The following ECT2L variants were observed in gnomAD, a reference collection of about 807,000 sequenced individuals.
ECT2L encodes epithelial cell transforming 2 like.
Under a neutral mutation model 122.8 loss-of-function variants are expected in ECT2L, and 126 were observed. The observed-to-expected ratio is 1.03, with a 90% CI of 0.89 to 1.19. The LOEUF (loss-of-function observed/expected upper bound fraction) is 1.19, where lower values mean the gene tolerates loss of function less well. Among genes scored for constraint, ECT2L ranks in the 50% most tolerant of loss-of-function variants. The probability of loss-of-function intolerance (pLI) is 0.00; values close to 1 mark genes in which losing one functional copy is unlikely to be tolerated. For missense variants in ECT2L, 1,012 were observed against 1,064.1 expected (o/e 0.95, Z 0.68); for synonymous variants, 385 against 381.8 (o/e 1.01, Z -0.10).
chr6:138,846,479 C>G, intron 7 of ECT2L, 60 bp from the exon 8 acceptor site: 1 of 1,509,568 alleles, frequency 6.6e-7, no homozygotes, highest in African/African-American at 1.4e-5. Context: ...ATGCTGTGTA[C>G]TTACCAAAAC....
At position 138,862,702 on chromosome 6, in the gene ECT2L, C is replaced by T; in HGVS notation, c.1274C>T (p.Thr425Ile). The T allele has an allele frequency of 6.2e-7, 1 of 1,614,152 alleles. No homozygotes were observed. Among genetic ancestry groups the T allele is most frequent in the Non-Finnish European group, 8.5e-7 (1 of 1,179,968 alleles). ...TFFTAPTGIATGSYQHILSDW... is the reference protein window; with the variant it reads ...TFFTAPTGIAIGSYQHILSDW... ...TTTACGGCCCCCACTGGGATTGCAACTGGCTCTTACCAGCACAGTAAGTGT... is the reference window on the plus strand; with the variant it reads ...TTTACGGCCCCCACTGGGATTGCAATTGGCTCTTACCAGCACAGTAAGTGT... The change falls in exon 11 of 22, where the codon ACT becomes ATT. Residue 425 changes from threonine to isoleucine, a missense_variant. Thr to Ile is a moderately conservative substitution (Grantham distance 89, BLOSUM62 -1). Transcript: ENST00000541398.
chr6:138,884,649 A>C (rs1225443079), intron 16 of ECT2L, among the ~76,000 whole-genome samples: 4 of 152,122 alleles, frequency 2.6e-5, no homozygotes, highest in Admixed American at 2.6e-4. Context: ...AAAAAACAAA[A>C]AACAAAAAAA....
At chr6:138,881,775 ATC>A (rs1367359026) in intron 15 of ECT2L, among the ~76,000 whole-genome samples, 1 of 152,038 alleles carries the variant, frequency 6.6e-6, no homozygotes, top group Non-Finnish European at 1.5e-5. Flanking sequence ...GCCACTGCTG[ATC>A]TGGAGCTCAG....
At chr6:138,806,300 G>A (rs186151971) in intron 1 of ECT2L, among the ~76,000 whole-genome samples, 1 of 152,176 alleles carries the variant, frequency 6.6e-6, no homozygotes, top group Non-Finnish European at 1.5e-5. Flanking sequence ...TAACAATTTT[G>A]TGGGCTTTGT....
intron 20 of ECT2L, among the ~76,000 whole-genome samples, chr6:138,895,593 C>CA (rs1351695877): frequency 1.3e-5 from 2 of 152,048 alleles, no homozygotes; most frequent in African/African-American, 2.4e-5. Context: ...TTTTCTGAGA[C>CA]AGAGTCTCGT....
chr6:138,863,678 C>T (rs903112458), intron 11 of ECT2L, among the ~76,000 whole-genome samples: 1 of 151,254 alleles, frequency 6.6e-6, no homozygotes, highest in Non-Finnish European at 1.5e-5. Flanking sequence ...GGCACGTTCT[C>T]GATCTAGGCT....
At chr6:138,902,450 T>G in intron 21 of ECT2L, 50 bp from the exon 22 acceptor site, 1 of 1,546,220 alleles carries the variant, frequency 6.5e-7, no homozygotes, top group Non-Finnish European at 8.7e-7. Flanking sequence ...TTTTCTCATT[T>G]TGATTGTTAT....
rs754805259 is a variant in ECT2L, at chr6:138,814,566, T to C, written c.142T>C (p.Phe48Leu). The C allele has an allele frequency of 2.5e-6, 4 of 1,612,562 alleles. No individual in the cohort carries two copies. Among genetic ancestry groups the C allele is most frequent in the Admixed American group, 1.7e-5 (1 of 59,998 alleles). ...TAACAAGCAACGTCAAGAATTCTTA[T>C]TCGCAATTTTTTTAAGATGCACTAA... ...WTNKQRQEFL[F>L]AIFLRCTKSQ... is the part of the protein sequence containing the mutation. The change falls in exon 4 of 22, where the codon TTC becomes CTC. Residue 48 changes from phenylalanine to leucine, a missense_variant. Phe to Leu is a conservative substitution (Grantham distance 22). Transcript: ENST00000541398.
chr6:138,878,481 C>T (rs895968950), intron 14 of ECT2L, among the ~76,000 whole-genome samples: 5 of 152,162 alleles, frequency 3.3e-5, no homozygotes, highest in African/African-American at 1.2e-4. Flanking sequence ...GAGTCTCGCT[C>T]TGTTGCCCAG....
chr6:138,889,062 G>T, intron 20 of ECT2L, 31 bp downstream of exon 20: 2 of 1,276,024 alleles, frequency 1.6e-6, no homozygotes, highest in South Asian at 1.6e-5. Context: ...CTAAGGCTGT[G>T]GACACCTTCC....
intron 10 of ECT2L, among the ~76,000 whole-genome samples, chr6:138,855,624 T>G (rs1777587333): frequency 6.6e-6 from 1 of 152,234 alleles, no homozygotes; most frequent in South Asian, 2.1e-4. Context: ...TGAAATTAGT[T>G]TTAAAAGACT....
intron 4 of ECT2L, among the ~76,000 whole-genome samples, chr6:138,835,422 A>G (rs114736735): frequency 0.019 from 2,959 of 152,026 alleles, 92 homozygotes; most frequent in African/African-American, 0.067. Flanking sequence ...ATGGTGGTGC[A>G]TGCCTGGAGT....
chr6:138,802,138 G>C (rs1031702125), intron 1 of ECT2L, among the ~76,000 whole-genome samples: 1 of 152,246 alleles, frequency 6.6e-6, no homozygotes, highest in African/African-American at 2.4e-5. Flanking sequence ...GCCCACATGG[G>C]AGGGGAGCCT....
At chr6:138,884,652 C>CA (rs1297581487) in intron 16 of ECT2L, among the ~76,000 whole-genome samples, 16 of 150,918 alleles carry the variant, frequency 1.1e-4, no homozygotes, top group Admixed American at 9.2e-4. Context: ...AAACAAAAAA[C>CA]AAAAAAAATA....
chr6:138,849,276 T>A lies in ECT2L; in HGVS notation c.911T>A (p.Met304Lys), dbSNP rs201084173. The A allele has an allele frequency of 3.7e-6, 6 of 1,611,334 alleles. No homozygotes were observed. The Admixed American group carries it at 1.0e-4, about 27-fold the overall frequency. The change falls in exon 9 of 22, where the codon ATG (methionine) becomes AAG (lysine). Residue 304 changes from methionine to lysine, a missense_variant. Coordinates refer to ENST00000541398, the MANE Select transcript of ECT2L (RefSeq NM_001077706.3). ...TTTGGTTTCATTCTCCAGATGGTGA[T>A]GGAGAGTGTGAAGGCTGGTGTTGTT... ...SSRIPAYEMV[M>K]ESVKAGVVSV...
chr6:138,824,581 CAAA>C (rs1491037699), intron 4 of ECT2L, among the ~76,000 whole-genome samples: 4 of 116,752 alleles, frequency 3.4e-5, no homozygotes, highest in Non-Finnish European at 7.1e-5. Flanking sequence ...AAAACAAAAA[CAAA>C]AAAAACACAA....
In ECT2L at chr6:138,901,108, C is replaced by G; in HGVS notation, c.2575C>G (p.Pro859Ala). The G allele has an allele frequency of 6.2e-7, 1 of 1,613,914 alleles. No homozygotes were observed. Among genetic ancestry groups the G allele is most frequent in the Non-Finnish European group, 8.5e-7 (1 of 1,179,910 alleles). ...TCATCGGTTACTCATAGAAAATATT[C>G]CAGATTCCAAGTGTATGTATTCTTT... ...ALHRLLIENI[P>A]DSKYVKNAFI... The change falls in exon 21 of 22, where the codon CCA becomes GCA. Residue 859 changes from proline to alanine, a missense_variant. Transcript: ENST00000541398.
At chr6:138,877,954 A>G (rs1481527959) in intron 14 of ECT2L, among the ~76,000 whole-genome samples, 3 of 152,082 alleles carry the variant, frequency 2.0e-5, no homozygotes, top group Non-Finnish European at 4.4e-5. Context: ...TGTGTTTATA[A>G]TATTTCAAAT....
intron 4 of ECT2L, among the ~76,000 whole-genome samples, chr6:138,826,889 C>G (rs969933042): frequency 6.6e-6 from 1 of 152,112 alleles, no homozygotes; most frequent in African/African-American, 2.4e-5. Flanking sequence ...CACTGTCTCA[C>G]TCTCTTGCTC....
Sources: gnomAD v4.1 joint callset for allele counts (sites outside exome capture counted in the v4.1 genomes callset) on GRCh38, gnomAD v4.1.1 for gene constraint, MANE v1.5 for transcripts, NCBI Gene and HGNC (gene_info 2026-07-23, HGNC 2026-07-21) for gene names.